Variants in GPD2 observed in about 807,000 individuals in gnomAD.
GPD2 encodes glycerol-3-phosphate dehydrogenase, mitochondrial.
GPD2 carries 54 observed loss-of-function variants against 82.4 expected under a neutral mutation model. The ratio of observed to expected loss-of-function variants is 0.66; its 90% CI spans 0.53 to 0.82. The LOEUF is 0.82. GPD2 is among the 40% of genes least tolerant of loss of function. The pLI is 0.00. For synonymous variants in GPD2, 288 were observed against 306.1 expected (o/e 0.94, Z 0.62); for missense variants, 748 against 896.2 (o/e 0.83, Z 2.11).
intron 6 of GPD2, among the ~76,000 whole-genome samples, chr2:156,547,127 G>A (rs992891081): frequency 2.0e-5 from 3 of 152,282 alleles, no homozygotes; most frequent in African/African-American, 4.8e-5. Flanking sequence ...TATATTCCGT[G>A]CATTTGTCAC....
chr2:156,550,522 A>G, intron 7 of GPD2, 80 bp from the exon 8 acceptor site: 1 of 1,390,516 alleles, frequency 7.2e-7, no homozygotes, highest in Non-Finnish European at 1.0e-6. Context: ...GGGTTAAGTT[A>G]ATAGATGAAT....
intron 1 of GPD2, among the ~76,000 whole-genome samples, chr2:156,446,989 A>T (rs1208166248): frequency 6.6e-6 from 1 of 152,122 alleles, no homozygotes; most frequent in Non-Finnish European, 1.5e-5. Flanking sequence ...TCCGAAGTTG[A>T]TGCTTTCCCC....
intron 9 of GPD2, among the ~76,000 whole-genome samples, chr2:156,559,126 A>C (rs548351802): frequency 1.3e-5 from 2 of 152,002 alleles, no homozygotes; most frequent in Non-Finnish European, 2.9e-5. Context: ...CAAAATTTTT[A>C]TACTGGAGAA....
At chr2:156,441,367 C>T (rs953714202) in intron 1 of GPD2, among the ~76,000 whole-genome samples, 1 of 152,000 alleles carries the variant, frequency 6.6e-6, no homozygotes, top group African/African-American at 2.4e-5. Context: ...GCCTGGGCCA[C>T]GTGGAGAGAC....
chr2:156,492,932 T>G (rs1426154707), intron 2 of GPD2, among the ~76,000 whole-genome samples: 1 of 152,188 alleles, frequency 6.6e-6, no homozygotes, highest in Non-Finnish European at 1.5e-5. Flanking sequence ...TTGAGATATA[T>G]GTAAGACATC....
At chr2:156,550,122 T>A (rs1204525662) in intron 7 of GPD2, among the ~76,000 whole-genome samples, 2 of 152,234 alleles carry the variant, frequency 1.3e-5, no homozygotes, top group Non-Finnish European at 2.9e-5. Context: ...GACACAGGCA[T>A]TGTTACACGT....
intron 6 of GPD2, among the ~76,000 whole-genome samples, chr2:156,522,954 G>A (rs913460695): frequency 6.6e-6 from 1 of 150,674 alleles, no homozygotes; most frequent in Non-Finnish European, 1.5e-5. Flanking sequence ...AGAAATTTTA[G>A]GTTCACAACA....
the GPD2 span, among the ~76,000 whole-genome samples, chr2:156,406,645 T>C: frequency 1.3e-5 from 2 of 152,224 alleles, no homozygotes; most frequent in African/African-American, 4.8e-5. Flanking sequence ...TATTCCAAAA[T>C]TGAATTAATT....
intron 9 of GPD2, among the ~76,000 whole-genome samples, chr2:156,563,039 G>C (rs1687232697): frequency 6.6e-6 from 1 of 151,824 alleles, no homozygotes; most frequent in African/African-American, 2.4e-5. Context: ...CTTTCATCTT[G>C]TTTTATTTAA....
intron 3 of GPD2, among the ~76,000 whole-genome samples, chr2:156,501,540 A>T (rs297588): frequency 6.6e-6 from 1 of 151,876 alleles, no homozygotes; most frequent in Non-Finnish European, 1.5e-5. Context: ...AAGGAAGGAG[A>T]TGTGTGCATT....
chr2:156,417,909 T>C, the GPD2 span, among the ~76,000 whole-genome samples: 1 of 151,942 alleles, frequency 6.6e-6, no homozygotes, highest in Non-Finnish European at 1.5e-5. Context: ...AACAAGTAAA[T>C]TGATTTGAGG....
intron 1 of GPD2, among the ~76,000 whole-genome samples, chr2:156,459,253 CAGAGTGGGTT>C (rs1573889835): frequency 1.3e-5 from 2 of 151,932 alleles, no homozygotes; most frequent in African/African-American, 4.8e-5. Flanking sequence ...TTTTTCAAGT[CAGAGTGGGTT>C]AAGGGGATGT....
intron 12 of GPD2, among the ~76,000 whole-genome samples, chr2:156,570,668 CA>C (rs1242261464): frequency 6.6e-6 from 1 of 152,096 alleles, no homozygotes; most frequent in East Asian, 1.9e-4. Context: ...TATCGATGTC[CA>C]GTGAACATTT....
intron 3 of GPD2, among the ~76,000 whole-genome samples, chr2:156,503,511 G>A (rs1684667008): frequency 6.6e-6 from 1 of 152,068 alleles, no homozygotes; most frequent in Non-Finnish European, 1.5e-5. Context: ...TGTCATACGG[G>A]TCAGAATTTT....
At chr2:156,527,631 A>G (rs1038641106) in intron 6 of GPD2, among the ~76,000 whole-genome samples, 1 of 152,140 alleles carries the variant, frequency 6.6e-6, no homozygotes, top group South Asian at 2.1e-4. Context: ...ATGATTTGCT[A>G]TCTATTCAGA....
chr2:156,425,337 A>G, the GPD2 span, among the ~76,000 whole-genome samples: 1 of 152,138 alleles, frequency 6.6e-6, no homozygotes, highest in Admixed American at 6.6e-5. Flanking sequence ...TTGATCTCCC[A>G]AAGTACTGGG....
At position 156,496,126 on chromosome 2, in the gene GPD2, T is replaced by A; in HGVS notation, c.185T>A (p.Leu62Gln). 6.2e-7 allele frequency: 1 copy of A among 1,612,724 alleles called. No homozygotes were observed. The highest frequency in any genetic ancestry group is 8.5e-7 in the Non-Finnish European group (1 of 1,178,746). The change falls in exon 3 of 17, where the codon CTG becomes CAG. Residue 62 changes from leucine (L) to glutamine (Q), a missense_variant. Around this residue, in one of 3 missense-constraint regions of GPD2, gnomAD observed 692 missense variants for 809.7 expected, o/e 0.85. Coordinates refer to ENST00000438166, the MANE Select transcript of GPD2 (RefSeq NM_000408.5). ...REPPSREAQLLTLQNTSEFDI... is the reference protein window; with the variant it reads ...REPPSREAQLQTLQNTSEFDI... Reference sequence around the variant, plus strand: ...CCTCCTTCCAGAGAAGCTCAGCTACTGACTTTGCAAAACACATCTGAATTT... The same window carrying A: ...CCTCCTTCCAGAGAAGCTCAGCTACAGACTTTGCAAAACACATCTGAATTT...
upstream of GPD2, among the ~76,000 whole-genome samples, chr2:156,433,675 GGC>G (rs1421812071): frequency 6.6e-6 from 1 of 152,208 alleles, no homozygotes; most frequent in African/African-American, 2.4e-5. Flanking sequence ...CTAGGCAGCG[GGC>G]AAGGTGAACC....
the GPD2 span, among the ~76,000 whole-genome samples, chr2:156,408,927 G>T: frequency 3.9e-5 from 6 of 152,146 alleles, no homozygotes; most frequent in Non-Finnish European, 5.9e-5. Flanking sequence ...GTCTTTGCAG[G>T]TGATCAAGTA....
Sources: allele counts gnomAD v4.1 joint callset (sites outside exome capture counted in the v4.1 genomes callset), GRCh38; gene constraint gnomAD v4.1.1; regional missense constraint gnomAD v4.1.1; transcripts MANE v1.5; gene names NCBI Gene and HGNC (gene_info 2026-07-23, HGNC 2026-07-21).